SFMBT1: variants seen among roughly 807,000 people sequenced by gnomAD.
The protein encoded by SFMBT1 is Scm like with four mbt domains 1.
A neutral mutation model predicts 108.7 loss-of-function variants in SFMBT1; 32 were observed. The ratio of observed to expected loss-of-function variants is 0.29; its 90% CI spans 0.22 to 0.40. The LOEUF is 0.40. Among genes scored for constraint, SFMBT1 ranks in the 10% least tolerant of loss-of-function variants. The probability of loss-of-function intolerance (pLI) is 1.00; values close to 1 mark genes in which losing one functional copy is unlikely to be tolerated. For missense variants in SFMBT1, 816 were observed against 1,059.6 expected (o/e 0.77, Z 3.19); for synonymous variants, 348 against 369.5 (o/e 0.94, Z 0.67).
chr3:53,019,458 T>G (rs758964468), intron 1 of SFMBT1, among the ~76,000 whole-genome samples: 15 of 152,052 alleles, frequency 9.9e-5, no homozygotes, highest in Non-Finnish European at 2.1e-4. Context: ...ATCCAACTAC[T>G]CATTTGGAAT....
At chr3:52,959,247 C>G (rs1387182878) in intron 2 of SFMBT1, among the ~76,000 whole-genome samples, 3 of 152,164 alleles carry the variant, frequency 2.0e-5, no homozygotes, top group Admixed American at 2.0e-4. Flanking sequence ...TGTAACAAAC[C>G]TGCACATCCT....
intron 18 of SFMBT1, 94 bp downstream of exon 18, chr3:52,907,461 T>G (rs1180677396): frequency 6.6e-7 from 1 of 1,524,574 alleles, no homozygotes; most frequent in Non-Finnish European, 8.8e-7. Context: ...GCCAGAGATC[T>G]GAGTTAGAAA....
At chr3:52,999,990 T>G (rs896123683) in intron 1 of SFMBT1, among the ~76,000 whole-genome samples, 1 of 150,078 alleles carries the variant, frequency 6.7e-6, no homozygotes, top group Middle Eastern at 3.2e-3. Context: ...TCATGAGTAG[T>G]TGGGACTACA....
intron 6 of SFMBT1, 115 bp from the exon 7 acceptor site, chr3:52,931,150 G>A: frequency 1.1e-6 from 1 of 880,788 alleles, no homozygotes; most frequent in Non-Finnish European, 1.8e-6. Context: ...CTAGAAAAGG[G>A]TTCAAGCCCA....
intron 1 of SFMBT1, among the ~76,000 whole-genome samples, chr3:52,977,283 G>A (rs776066408): frequency 5.3e-5 from 8 of 152,142 alleles, no homozygotes; most frequent in Non-Finnish European, 2.9e-5. Context: ...GGCTGAGGCA[G>A]GTGGATCACG....
rs979854558 is a variant in SFMBT1, at chr3:52,928,128, C to G, written c.1048+63G>C. On this transcript the variant is annotated intron_variant, in intron 9 of 20. Coordinates refer to ENST00000394752, the MANE Select transcript of SFMBT1 (RefSeq NM_016329.4). ...GGACAAAAGATTTCAGCAATGCCAT[C>G]TGACATGTCTCATTTCAAGGAGAAG... The G allele has an allele frequency of 1.1e-5, 17 of 1,568,082 alleles. No homozygotes were observed. The Admixed American group carries it at 3.1e-4, about 29-fold the overall frequency.
chr3:52,917,733 G>A (rs575054037), intron 13 of SFMBT1, among the ~76,000 whole-genome samples: 6 of 152,232 alleles, frequency 3.9e-5, no homozygotes, highest in Admixed American at 3.9e-4. Flanking sequence ...GTGCATGTGA[G>A]GGATCTAGAT....
At chr3:52,999,550 C>A (rs1158255594) in intron 1 of SFMBT1, among the ~76,000 whole-genome samples, 2 of 150,278 alleles carry the variant, frequency 1.3e-5, no homozygotes, top group Non-Finnish European at 3.0e-5. Context: ...CTTCAGCTTC[C>A]AGAGGGGAAG....
intron 1 of SFMBT1, among the ~76,000 whole-genome samples, chr3:52,991,342 CTTTTT>C (rs71087045): frequency 1.1e-5 from 1 of 91,214 alleles, no homozygotes; most frequent in South Asian, 4.1e-4. Context: ...GCTGAAACTT[CTTTTT>C]TTTTTTTTTT....
intron 5 of SFMBT1, 66 bp downstream of exon 5, chr3:52,934,747 G>A (rs1702953674): frequency 7.4e-6 from 10 of 1,354,322 alleles, no homozygotes; most frequent in Admixed American, 4.1e-5. Context: ...ATAAGCAACC[G>A]ATTTTAAGAT....
rs773651577 is a variant in SFMBT1, at chr3:52,930,322, A to G, written c.897+7T>C. Reference sequence around the variant, plus strand: ...GATTCTTACCAAGAGAGTTATCTCCATTTTACCTTAACAACTGTAGCAGGA... The same window carrying G: ...GATTCTTACCAAGAGAGTTATCTCCGTTTTACCTTAACAACTGTAGCAGGA... On this transcript the variant is annotated splice_region_variant and intron_variant, in intron 8 of 20. Transcript: ENST00000394752. 1.2e-5 allele frequency: 18 copies of G among 1,548,092 alleles called. No homozygotes were observed. The highest frequency in any genetic ancestry group is 1.5e-5 in the Non-Finnish European group (17 of 1,119,986).
At chr3:52,937,056 T>C (rs1703032678) in intron 4 of SFMBT1, among the ~76,000 whole-genome samples, 3 of 152,044 alleles carry the variant, frequency 2.0e-5, no homozygotes, top group Admixed American at 6.6e-5. Context: ...TTAGCCAGGA[T>C]GGTCTCGATC....
At chr3:52,933,129 T>C (rs1702909562) in intron 5 of SFMBT1, among the ~76,000 whole-genome samples, 1 of 152,204 alleles carries the variant, frequency 6.6e-6, no homozygotes, top group South Asian at 2.1e-4. Flanking sequence ...ATGGAAACAC[T>C]GTATACTGTT....
At chr3:52,997,164 A>G (rs1698365244) in intron 1 of SFMBT1, among the ~76,000 whole-genome samples, 1 of 150,340 alleles carries the variant, frequency 6.7e-6, no homozygotes, top group Admixed American at 6.7e-5. Context: ...AAAGAAATGA[A>G]AACAGCCACA....
chr3:52,933,064 T>C (rs1382505328), intron 5 of SFMBT1, among the ~76,000 whole-genome samples: 2 of 152,204 alleles, frequency 1.3e-5, no homozygotes, highest in African/African-American at 4.8e-5. Flanking sequence ...ACTCTTTTTC[T>C]CCATACAAGT....
At chr3:52,954,227 A>G (rs1347298392) in intron 3 of SFMBT1, 90 bp downstream of exon 3, 26 of 1,055,302 alleles carry the variant, frequency 2.5e-5, no homozygotes, top group Non-Finnish European at 3.7e-5. Context: ...AGTACCACAA[A>G]TTAAAATAAC....
rs549341910 is a variant in SFMBT1, at chr3:52,987,500, T to C, written c.-130-18242A>G. Among the ~76,000 whole-genome samples, 70 of 152,266 alleles carry C rather than the reference T, an allele frequency of 4.6e-4. 1 individual carries two copies. The highest frequency in any genetic ancestry group is 1.4e-3 in the African/African-American group (58 of 41,562). On this transcript the variant is annotated intron_variant, in intron 1 of 20. Coordinates refer to ENST00000394752, the MANE Select transcript of SFMBT1 (RefSeq NM_016329.4). ...CCACCGTCATATATACAGGCCACCA[T>C]TGACTGAAACACCATCATGCCATGC...
chr3:53,025,364 T>A (rs894208940), intron 1 of SFMBT1, among the ~76,000 whole-genome samples: 2 of 152,130 alleles, frequency 1.3e-5, no homozygotes, highest in South Asian at 2.1e-4. Context: ...TCCTAACACT[T>A]TGGGAGGCTG....
chr3:52,980,754 AT>A (rs1190711079), intron 1 of SFMBT1, among the ~76,000 whole-genome samples: 1 of 152,034 alleles, frequency 6.6e-6, no homozygotes, highest in African/African-American at 2.4e-5. Flanking sequence ...TTATGTTTTT[AT>A]CTCATGTTGA....
Sources: allele counts gnomAD v4.1 joint callset (sites outside exome capture counted in the v4.1 genomes callset), GRCh38; gene constraint gnomAD v4.1.1; transcripts MANE v1.5; gene names NCBI Gene and HGNC (gene_info 2026-07-23, HGNC 2026-07-21).